LRRC37A2: variants seen among roughly 807,000 people sequenced by gnomAD.
LRRC37A2 encodes the protein leucine rich repeat containing 37 member A2.
Under a neutral mutation model 68.8 loss-of-function variants are expected in LRRC37A2, and 9 were observed. The observed-to-expected ratio is 0.13, with a 90% CI of 0.08 to 0.23. LRRC37A2 has a LOEUF of 0.23. Among genes scored for constraint, LRRC37A2 ranks in the 10% least tolerant of loss-of-function variants. The probability of loss-of-function intolerance (pLI) is 1.00; values close to 1 mark genes in which losing one functional copy is unlikely to be tolerated. For missense variants in LRRC37A2, 168 were observed against 950.4 expected (o/e 0.18, Z 10.82); for synonymous variants, 63 against 367.6 (o/e 0.17, Z 9.48).
chr17:46,876,277 G>A, the LRRC37A2 span: 3 of 1,613,438 alleles, frequency 1.9e-6, no homozygotes, highest in Admixed American at 1.7e-5. Context: ...CCACGTGTAA[G>A]TGCCATGGCG....
the LRRC37A2 span, among the ~76,000 whole-genome samples, chr17:46,816,379 TC>T: frequency 6.6e-6 from 1 of 151,360 alleles, no homozygotes; most frequent in African/African-American, 2.4e-5. Context: ...CGATTTCACA[TC>T]CATAGTAGCC....
chr17:46,926,545 GAGA>G, the LRRC37A2 span, among the ~76,000 whole-genome samples: 1 of 152,196 alleles, frequency 6.6e-6, no homozygotes, highest in African/African-American at 2.4e-5. Flanking sequence ...CCCCATGCTA[GAGA>G]GGGCTAAGAC....
the LRRC37A2 span, among the ~76,000 whole-genome samples, chr17:47,044,216 T>C: frequency 6.8e-6 from 1 of 147,956 alleles, no homozygotes; most frequent in Admixed American, 6.8e-5. Context: ...TGCTATCCAC[T>C]TTTTTTTTCC....
chr17:46,830,818 T>A, the LRRC37A2 span: 1 of 398,468 alleles, frequency 2.5e-6, no homozygotes, highest in Non-Finnish European at 4.4e-6. Context: ...TCACACCCCC[T>A]GTTCCATTCT....
chr17:46,761,071 T>C, the LRRC37A2 span, among the ~76,000 whole-genome samples: 2 of 152,070 alleles, frequency 1.3e-5, no homozygotes, highest in South Asian at 4.1e-4. Context: ...AAATAAAAAG[T>C]CGAAATGAAA....
the LRRC37A2 span, among the ~76,000 whole-genome samples, chr17:46,718,899 AAGTGG>A: frequency 6.6e-6 from 1 of 152,218 alleles, no homozygotes. Context: ...AAATTCTCAG[AAGTGG>A]GATTGCTAAG....
chr17:46,939,132 T>C, the LRRC37A2 span: 4 of 1,135,926 alleles, frequency 3.5e-6, no homozygotes, highest in South Asian at 2.1e-5. Flanking sequence ...GGTTCACACC[T>C]TGTCACCATC....
intron 4 of LRRC37A2, among the ~76,000 whole-genome samples, chr17:46,520,789 G>T (rs1237972198): frequency 2.2e-5 from 1 of 45,498 alleles, no homozygotes; most frequent in East Asian, 3.2e-4. Flanking sequence ...GGTTTAGTAG[G>T]ATGAAAGGAA....
chr17:47,020,781 CAAAAAAAAAAAA>C, the LRRC37A2 span, among the ~76,000 whole-genome samples: 2 of 20,118 alleles, frequency 9.9e-5, no homozygotes, highest in African/African-American at 5.9e-4. Flanking sequence ...GACTCCATCT[CAAAAAAAAAAAA>C]AAAAAAAAAA....
chr17:46,987,884 C>T, the LRRC37A2 span, among the ~76,000 whole-genome samples: 2 of 152,180 alleles, frequency 1.3e-5, no homozygotes, highest in Admixed American at 6.5e-5. Context: ...AGAAACATTA[C>T]GTTAAGTCCG....
the LRRC37A2 span, chr17:46,978,725 A>G: frequency 6.2e-7 from 1 of 1,612,368 alleles, no homozygotes; most frequent in East Asian, 2.2e-5. Flanking sequence ...ATGCTCTCGG[A>G]CTTGATGAGC....
At chr17:46,978,950 C>G in the LRRC37A2 span, 97 of 1,453,434 alleles carry the variant, frequency 6.7e-5, 2 homozygotes, top group South Asian at 1.3e-3. Context: ...GCCCCGGCGC[C>G]GCCGCCCACG....
At chr17:46,917,294 A>T in the LRRC37A2 span, 1 of 152,240 alleles carries the variant, frequency 6.6e-6, no homozygotes, top group African/African-American at 2.4e-5. Flanking sequence ...AAAACAAGTT[A>T]TCTTTTTCCA....
At chr17:46,948,123 A>T in the LRRC37A2 span, among the ~76,000 whole-genome samples, 2 of 152,216 alleles carry the variant, frequency 1.3e-5, no homozygotes, top group Admixed American at 1.3e-4. Context: ...GGAGTCAAGC[A>T]GGTGGAGTGT....
the LRRC37A2 span, among the ~76,000 whole-genome samples, chr17:46,787,657 A>G: frequency 2.6e-5 from 4 of 152,180 alleles, no homozygotes; most frequent in African/African-American, 9.6e-5. Context: ...CCCAAGATGT[A>G]TGAGATGTAG....
intron 6 of LRRC37A2, among the ~76,000 whole-genome samples, chr17:46,532,109 G>A (rs1408357727): frequency 6.7e-6 from 1 of 150,216 alleles, no homozygotes; most frequent in Non-Finnish European, 1.5e-5. Context: ...ACGTTTATCA[G>A]GCTGCTCTCG....
chr17:46,929,505 C>T, the LRRC37A2 span: 3 of 1,443,088 alleles, frequency 2.1e-6, no homozygotes, highest in Non-Finnish European at 2.0e-6. Flanking sequence ...CATTTCCTCC[C>T]TCTTCCTTTG....
the LRRC37A2 span, chr17:46,851,830 C>T: frequency 2.0e-6 from 1 of 492,496 alleles, no homozygotes; most frequent in East Asian, 3.9e-5. This position sits in a 1 kb window ranked among gnomAD's most constrained non-coding sequence, Gnocchi z 4.3. Context: ...AGGTCTCGAA[C>T]TCAGACCCTA....
At chr17:46,775,368 G>A in the LRRC37A2 span, among the ~76,000 whole-genome samples, 8 of 152,236 alleles carry the variant, frequency 5.3e-5, no homozygotes, top group African/African-American at 1.4e-4. Context: ...TGGCCAATTC[G>A]TGGAGACTCC....
Sources: gnomAD v4.1 joint callset for allele counts (sites outside exome capture counted in the v4.1 genomes callset) on GRCh38, gnomAD v4.1.1 for gene constraint, Gnocchi (gnomAD v3.1) non-coding constraint, MANE v1.5 for transcripts, NCBI Gene and HGNC (gene_info 2026-07-23, HGNC 2026-07-21) for gene names.